The following AGAP3 variants were observed in gnomAD, a reference collection of about 807,000 sequenced individuals.
AGAP3 encodes the protein ArfGAP with GTPase domain, ankyrin repeat and PH domain 3.
AGAP3 carries 24 observed loss-of-function variants against 96.9 expected under a neutral mutation model. The ratio of observed to expected loss-of-function variants is 0.25; its 90% CI spans 0.18 to 0.35. AGAP3 has a LOEUF of 0.35. Ranked by LOEUF, AGAP3 falls within the 10% of genes least tolerant of loss-of-function variation. AGAP3 has a pLI of 1.00. For synonymous variants in AGAP3, 563 were observed against 536.1 expected (o/e 1.05, Z -0.69); for missense variants, 876 against 1,254.2 (o/e 0.70, Z 4.55).
In AGAP3 at chr7:151,126,855, G is replaced by A. The variant is rs142827124; in HGVS notation, c.1222-1725G>A. Among the ~76,000 whole-genome samples, 293 of 152,322 alleles carry A rather than the reference G, an allele frequency of 1.9e-3. 1 individual carries two copies. Among genetic ancestry groups the A allele is most frequent in the African/African-American group, 5.9e-3 (247 of 41,580 alleles). ...TTTTCAGAAACCCCTTTTGAGGATA[G>A]GGTCTCCCAGGCCAAGGGGGCCAGG... On this transcript the variant is annotated intron_variant, in intron 9 of 17. Coordinates refer to ENST00000397238, the MANE Select transcript of AGAP3 (RefSeq NM_031946.7).
In AGAP3 at chr7:151,096,317, C is replaced by T. The variant is rs1207204160; in HGVS notation, c.331+9245C>T. Among the ~76,000 whole-genome samples, 2 of 152,086 alleles carry T rather than the reference C, an allele frequency of 1.3e-5. No homozygotes were observed. The highest frequency in any genetic ancestry group is 2.1e-4 in the South Asian group (1 of 4,826). On this transcript the variant is annotated intron_variant, in intron 1 of 17. Coordinates refer to ENST00000397238, the MANE Select transcript of AGAP3 (RefSeq NM_031946.7). This position sits in a 1 kb window ranked among gnomAD's most constrained non-coding sequence, Gnocchi z 4.4. Reference sequence around the variant, plus strand: ...GTACGTTGGTTTAGCTCATCCAGGCCCAGGGGAAGGGACCTGAGGGGGCAG... The same window carrying T: ...GTACGTTGGTTTAGCTCATCCAGGCTCAGGGGAAGGGACCTGAGGGGGCAG...
chr7:151,115,411 C>G, intron 1 of AGAP3: 1 of 1,009,186 alleles, frequency 9.9e-7, no homozygotes, highest in Non-Finnish European at 1.2e-6. Context: ...CCGCCGCGCG[C>G]GCGCACCCGT....
At chr7:151,131,984 T>C (rs147405939) in intron 10 of AGAP3, among the ~76,000 whole-genome samples, 8 of 152,258 alleles carry the variant, frequency 5.3e-5, no homozygotes, top group African/African-American at 1.9e-4. Context: ...TAAGATGTGA[T>C]TGTGTACAGG....
chr7:151,111,465 C>G (rs1320569000), intron 1 of AGAP3, among the ~76,000 whole-genome samples: 1 of 152,216 alleles, frequency 6.6e-6, no homozygotes, highest in Non-Finnish European at 1.5e-5. Flanking sequence ...TCAAGCAACA[C>G]ACACCTGGAG....
At chr7:151,103,752 T>C (rs534270839) in intron 1 of AGAP3, among the ~76,000 whole-genome samples, 1 of 152,242 alleles carries the variant, frequency 6.6e-6, no homozygotes, top group African/African-American at 2.4e-5. Context: ...CAGAGCTTTT[T>C]TTGTTTTCCT....
chr7:151,127,038 C>T (rs973288242), intron 9 of AGAP3, among the ~76,000 whole-genome samples: 2 of 152,196 alleles, frequency 1.3e-5, no homozygotes, highest in Non-Finnish European at 2.9e-5. Flanking sequence ...CTGCTGGGGC[C>T]GCTGGAAGTG....
Position 151,143,446 on chromosome 7 carries a change from G to A in AGAP3, c.2379G>A (p.Val793=). Residue 793 remains valine (V), a synonymous_variant, in exon 17 of 18, where the codon GTG becomes GTA. Coordinates refer to ENST00000397238, the MANE Select transcript of AGAP3 (RefSeq NM_031946.7). The surrounding 1 kb of genome is among the most constrained non-coding windows in gnomAD (Gnocchi z 5.9). ...TGGGGCAGCAGCTGCTCCGGGCCGT[G>A]GTGGAAGATGACCTGCGGCTGTTGG... ...VPLGQQLLRA[V]VEDDLRLLVM... is the part of the protein sequence containing the mutation. 1 of 1,614,208 alleles carries A rather than the reference G, an allele frequency of 6.2e-7. No individual in the cohort carries two copies. Among genetic ancestry groups the A allele is most frequent in the Non-Finnish European group, 8.5e-7 (1 of 1,180,038 alleles).
Position 151,143,773 on chromosome 7 carries a change from C to T in AGAP3, c.2566C>T (p.Leu856=). 1.9e-6 allele frequency: 3 copies of T among 1,614,158 alleles called. No individual in the cohort carries two copies. The highest frequency in any genetic ancestry group is 2.5e-6 in the Non-Finnish European group (3 of 1,180,048). ...VDVRSRDARG[L]TPLAYARRAG... is the part of the protein sequence containing the mutation. ...CGTGAGGAGCCGGGACGCCCGGGGC[C>T]TGACTCCACTGGCATATGCTCGCCG... The change falls in exon 18 of 18, where the codon CTG becomes TTG. Residue 856 remains leucine (L), a synonymous_variant. Transcript: ENST00000397238. The surrounding 1 kb of genome is among the most constrained non-coding windows in gnomAD (Gnocchi z 5.9).
intron 1 of AGAP3, among the ~76,000 whole-genome samples, chr7:151,115,972 T>C (rs1380215406): frequency 6.6e-6 from 1 of 152,194 alleles, no homozygotes; most frequent in East Asian, 1.9e-4. Context: ...GGGACTGCTG[T>C]GGACCTGGTC....
chr7:151,089,388 G>A (rs574322521), intron 1 of AGAP3, among the ~76,000 whole-genome samples: 11 of 152,176 alleles, frequency 7.2e-5, no homozygotes, highest in African/African-American at 2.7e-4. Flanking sequence ...ACAGACCTAG[G>A]CTGTTACATA....
chr7:151,120,008 G>A lies in AGAP3; in HGVS notation c.991G>A (p.Ala331Thr), dbSNP rs375057185. The A allele has an allele frequency of 3.0e-5, 48 of 1,613,314 alleles. No homozygotes were observed. The highest frequency in any genetic ancestry group is 4.5e-5 in the East Asian group (2 of 44,880). Residue 331 changes from alanine (A) to threonine (T), a missense_variant, in exon 8 of 18, where the codon GCC (alanine) becomes ACC (threonine). By Grantham distance (58) the Ala-to-Thr change is moderately conservative. Around this residue, in one of 8 missense-constraint regions of AGAP3, gnomAD observed 100 missense variants for 129.4 expected, o/e 0.77. Coordinates refer to ENST00000397238, the MANE Select transcript of AGAP3 (RefSeq NM_031946.7). ...INQATNGGGS[A>T]FSDYSSSVPS... ...TTAGGCCACGAATGGCGGCGGCAGC[G>A]CCTTCAGCGACTACTCGTCCTCAGT...
rs554318518 is a variant in AGAP3, at chr7:151,138,249, C to A, written c.1602C>A (p.Ser534=). 1 of 1,612,906 alleles carries A rather than the reference C, an allele frequency of 6.2e-7. No homozygotes were observed. Among genetic ancestry groups the A allele is most frequent in the Non-Finnish European group, 8.5e-7 (1 of 1,179,838 alleles). The change falls in exon 12 of 18, where the codon TCC becomes TCA. Residue 534 remains serine, a synonymous_variant. Transcript: ENST00000397238. ...AGGGGCTGCACCAGCGCTCCTGCTC[C>A]GTTTCCAGCGCCGACCAGTGGAGTG... ...RPEGLHQRSC[S]VSSADQWSEA... is the part of the protein sequence containing the mutation.
At chr7:151,087,746 A>G (rs564716036) in intron 1 of AGAP3, among the ~76,000 whole-genome samples, 9 of 152,200 alleles carry the variant, frequency 5.9e-5, no homozygotes, top group Non-Finnish European at 1.2e-4. Context: ...CGCCAGGGAC[A>G]CCGCACCCGG....
chr7:151,086,928 C>T lies in AGAP3; in HGVS notation c.187C>T (p.Leu63Phe). 1 of 1,598,858 alleles carries T rather than the reference C, an allele frequency of 6.3e-7. No homozygotes were observed. The highest frequency in any genetic ancestry group is 8.5e-7 in the Non-Finnish European group (1 of 1,173,856). ...LAGGPPQQFA[L>F]SNSAAIRAEI... Reference sequence around the variant, plus strand: ...CGGCGGGCCCCCCCAGCAGTTCGCGCTCTCCAACTCCGCGGCCATCCGGGC... The same window carrying T: ...CGGCGGGCCCCCCCAGCAGTTCGCGTTCTCCAACTCCGCGGCCATCCGGGC... The change falls in exon 1 of 18, where the codon CTC (leucine) becomes TTC (phenylalanine). Residue 63 changes from leucine (L) to phenylalanine (F), a missense_variant. By Grantham distance (22) the Leu-to-Phe change is conservative. Around this residue, in one of 8 missense-constraint regions of AGAP3, gnomAD observed 62 missense variants for 82.8 expected, o/e 0.75. Coordinates refer to ENST00000397238, the MANE Select transcript of AGAP3 (RefSeq NM_031946.7).
chr7:151,117,050 C>T lies in AGAP3; in HGVS notation c.391-45C>T, dbSNP rs373183558. On this transcript the variant is annotated intron_variant, in intron 2 of 17. Coordinates refer to ENST00000397238, the MANE Select transcript of AGAP3 (RefSeq NM_031946.7). The stretch of plus-strand genomic sequence containing the variant: ...GCTTTTCCTGCTGGGTCTTCTCCCT[C>T]GTGCCCTCTGCCCTCTGACCCACTC... 53 of 1,580,246 alleles carry T rather than the reference C, an allele frequency of 3.4e-5. 1 individual carries two copies. Among genetic ancestry groups the T allele is most frequent in the South Asian group, 1.0e-4 (9 of 89,878 alleles).
chr7:151,137,046 G>A (rs1800621574), intron 11 of AGAP3, among the ~76,000 whole-genome samples: 1 of 152,256 alleles, frequency 6.6e-6, no homozygotes, highest in African/African-American at 2.4e-5. Flanking sequence ...ACAGATACAA[G>A]AGGAACATAA....
intron 9 of AGAP3, among the ~76,000 whole-genome samples, chr7:151,125,552 C>T (rs977380677): frequency 6.6e-6 from 1 of 152,224 alleles, no homozygotes; most frequent in Admixed American, 6.5e-5. Flanking sequence ...TGCAGTGACA[C>T]CCTTTAGGGG....
At chr7:151,138,051 G>C (rs1480483459) in intron 11 of AGAP3, 92 bp from the exon 12 acceptor site, 5 of 1,029,330 alleles carry the variant, frequency 4.9e-6, no homozygotes, top group African/African-American at 4.8e-5. Context: ...AATGTCTCAG[G>C]CTCTGCTCTG....
chr7:151,135,209 G>A (rs752925010), intron 11 of AGAP3, among the ~76,000 whole-genome samples: 3 of 152,136 alleles, frequency 2.0e-5, no homozygotes, highest in African/African-American at 2.4e-5. Flanking sequence ...TTCCACACCC[G>A]TTTCCCTCGC....
Sources: allele counts gnomAD v4.1 joint callset (sites outside exome capture counted in the v4.1 genomes callset), GRCh38; gene constraint gnomAD v4.1.1; regional missense constraint gnomAD v4.1.1; non-coding constraint Gnocchi (gnomAD v3.1); transcripts MANE v1.5; gene names NCBI Gene and HGNC (gene_info 2026-07-23, HGNC 2026-07-21).